Variants in TUSC3 observed in about 807,000 individuals in gnomAD.
TUSC3 encodes tumor suppressor candidate 3.
In TUSC3, 45 loss-of-function variants were observed where a neutral mutation model predicts 44.8. The observed-to-expected ratio is 1.00, with a 90% confidence interval of 0.79 to 1.29. The LOEUF (loss-of-function observed/expected upper bound fraction) is 1.29, where lower values mean the gene tolerates loss of function less well. Among genes scored for constraint, TUSC3 ranks in the 50% most tolerant of loss-of-function variants. TUSC3 has a pLI of 0.00. For missense variants in TUSC3, 519 were observed against 437.9 expected, an observed-to-expected ratio of 1.19 and a Z score of -1.65; for synonymous variants, 212 against 152.9, an observed-to-expected ratio of 1.39 and a Z score of -2.85.
At chr8:15,667,614 A>G (rs1317154196) in intron 5 of TUSC3, among the ~76,000 whole-genome samples, 3 of 151,758 alleles carry the variant, frequency 2.0e-5, no homozygotes, top group Admixed American at 6.6e-5. Context: ...CACTTTCACT[A>G]GCAGCTTATT....
At chr8:15,797,373 G>T in the TUSC3 span, among the ~76,000 whole-genome samples, 2 of 152,022 alleles carry the variant, frequency 1.3e-5, no homozygotes, top group Non-Finnish European at 2.9e-5. Flanking sequence ...TGGCTTTGAG[G>T]TCTGATGAGA....
At chr8:15,804,416 T>G in the TUSC3 span, among the ~76,000 whole-genome samples, 1 of 152,248 alleles carries the variant, frequency 6.6e-6, no homozygotes, top group Non-Finnish European at 1.5e-5. Context: ...GCTGATGTCC[T>G]GACTGGTGTT....
At chr8:15,426,594 G>A (rs1248769512) in intron 1 of TUSC3, among the ~76,000 whole-genome samples, 1 of 152,116 alleles carries the variant, frequency 6.6e-6, no homozygotes, top group Admixed American at 6.5e-5. Flanking sequence ...TTTCAAGACT[G>A]AATAATAAAT....
At chr8:15,505,489 G>C (rs887532137) in intron 2 of TUSC3, among the ~76,000 whole-genome samples, 1 of 152,190 alleles carries the variant, frequency 6.6e-6, no homozygotes, top group Non-Finnish European at 1.5e-5. Flanking sequence ...ATCTCCAGCA[G>C]GGAACATCTG....
intron 6 of TUSC3, among the ~76,000 whole-genome samples, chr8:15,688,559 A>T (rs749491171): frequency 7.9e-5 from 12 of 151,962 alleles, no homozygotes; most frequent in Non-Finnish European, 1.6e-4. Flanking sequence ...ATAGTACCCG[A>T]TGGGTAGTTT....
At chr8:15,626,113 G>A (rs1685738585) in intron 2 of TUSC3, among the ~76,000 whole-genome samples, 1 of 152,144 alleles carries the variant, frequency 6.6e-6, no homozygotes, top group Non-Finnish European at 1.5e-5. Flanking sequence ...CGTGCCCCCT[G>A]TGCCCTGTGT....
chr8:15,720,431 A>C lies in TUSC3; in HGVS notation c.799-10235A>C, dbSNP rs114958996. On this transcript the variant is annotated intron_variant, in intron 6 of 10. Coordinates refer to ENST00000503731, the MANE Select transcript of TUSC3 (RefSeq NM_006765.4). ...AACCCAGTCTGAAGGCCTGCAAAGC[A>C]AAGCCATGGTACTGTCAACCATGTT... Among the ~76,000 whole-genome samples the C allele has an allele frequency of 4.2e-3, 639 of 152,222 alleles. 5 individuals are homozygous for C. Among genetic ancestry groups the C allele is most frequent in the African/African-American group, 0.014 (602 of 41,548 alleles).
At chr8:15,427,075 G>GTTTTTTTTTTTTTTTTTTTTT (rs367932724) in intron 1 of TUSC3, among the ~76,000 whole-genome samples, 1 of 145,960 alleles carries the variant, frequency 6.9e-6, no homozygotes, top group African/African-American at 2.5e-5. Context: ...GTTGTTTGGT[G>GTTTTTTTTTTTTTTTTTTTTT]TTTGTTTTTT....
At chr8:15,504,612 TATATA>T (rs1428402867) in intron 2 of TUSC3, among the ~76,000 whole-genome samples, 7 of 29,494 alleles carry the variant, frequency 2.4e-4, no homozygotes, top group East Asian at 1.1e-3. Context: ...TATATATATA[TATATA>T]TATATTTTTT....
At chr8:15,748,017 C>CTTGTTTGTGGTTTATAACATGTT (rs1811495367) in intron 8 of TUSC3, among the ~76,000 whole-genome samples, 1 of 152,054 alleles carries the variant, frequency 6.6e-6, no homozygotes, top group Non-Finnish European at 1.5e-5. Flanking sequence ...AGGCAATAAT[C>CTTGTTTGTGGTTTATAACATGTT]TTGTTTGTGG....
At chr8:15,670,103 AT>A (rs1185317809) in intron 5 of TUSC3, among the ~76,000 whole-genome samples, 1 of 151,884 alleles carries the variant, frequency 6.6e-6, no homozygotes, top group Non-Finnish European at 1.5e-5. Context: ...ATTCAAATAA[AT>A]TTTTTAAAAA....
chr8:15,460,107 C>A (rs900484093), intron 1 of TUSC3, among the ~76,000 whole-genome samples: 1 of 152,170 alleles, frequency 6.6e-6, no homozygotes, highest in East Asian at 1.9e-4. Flanking sequence ...TTTAAGGAAT[C>A]TCCACACTGT....
intron 1 of TUSC3, among the ~76,000 whole-genome samples, chr8:15,607,902 T>A (rs1001354083): frequency 6.6e-6 from 1 of 152,182 alleles, no homozygotes; most frequent in African/African-American, 2.4e-5. Context: ...AATTACTTTG[T>A]CTAGTTATGG....
At chr8:15,499,282 T>A (rs1029797612) in intron 2 of TUSC3, among the ~76,000 whole-genome samples, 13 of 152,230 alleles carry the variant, frequency 8.5e-5, no homozygotes, top group African/African-American at 3.1e-4. Flanking sequence ...TTATCAACAT[T>A]TACTTTTCAA....
At chr8:15,624,234 C>A (rs935234024) in intron 2 of TUSC3, among the ~76,000 whole-genome samples, 1 of 152,046 alleles carries the variant, frequency 6.6e-6, no homozygotes, top group Admixed American at 6.5e-5. Context: ...TTAAAGGAAT[C>A]GGGGTCGTTT....
chr8:15,709,328 A>G (rs540806310), intron 6 of TUSC3, among the ~76,000 whole-genome samples: 7 of 151,922 alleles, frequency 4.6e-5, no homozygotes, highest in Non-Finnish European at 7.4e-5. Context: ...AGGAATGCCA[A>G]TCTGAAAGCT....
At chr8:15,448,650 T>C (rs1367051853) in intron 1 of TUSC3, among the ~76,000 whole-genome samples, 1 of 152,182 alleles carries the variant, frequency 6.6e-6, no homozygotes, top group Admixed American at 6.5e-5. Context: ...TATTGCAGGA[T>C]TGGCTAAATA....
intron 1 of TUSC3, among the ~76,000 whole-genome samples, chr8:15,459,071 G>A (rs368315141): frequency 1.2e-4 from 19 of 152,194 alleles, no homozygotes; most frequent in African/African-American, 4.6e-4. Context: ...CAGTCCTTTA[G>A]CAGTTAAAGT....
chr8:15,743,995 A>G (rs1811302808), intron 8 of TUSC3, among the ~76,000 whole-genome samples: 1 of 152,130 alleles, frequency 6.6e-6, no homozygotes, highest in Non-Finnish European at 1.5e-5. Context: ...TACAAGAATC[A>G]GGGGTGCGCT....
Sources: gnomAD v4.1 joint callset for allele counts (sites outside exome capture counted in the v4.1 genomes callset) on GRCh38, gnomAD v4.1.1 for gene constraint, MANE v1.5 for transcripts, NCBI Gene and HGNC (gene_info 2026-07-23, HGNC 2026-07-21) for gene names.